NRG3: variants seen among roughly 807,000 people sequenced by gnomAD.
NRG3 encodes the protein neuregulin 3.
In NRG3, 31 loss-of-function variants were observed where a neutral mutation model predicts 66.9. The observed-to-expected ratio is 0.46, with a 90% confidence interval of 0.35 to 0.63. The LOEUF is 0.63. Ranked by LOEUF, NRG3 falls within the 20% of genes least tolerant of loss-of-function variation. The probability of loss-of-function intolerance (pLI) is 0.00; values close to 1 mark genes in which losing one functional copy is unlikely to be tolerated. For missense variants in NRG3, 910 were observed against 878.9 expected, an observed-to-expected ratio of 1.04 and a Z score of -0.45; for synonymous variants, 393 against 359.4, an observed-to-expected ratio of 1.09 and a Z score of -1.06.
rs573263704 is a variant in NRG3 at position 82,512,147 on chromosome 10, C to T, written c.953+153279C>T. Among the ~76,000 whole-genome samples, 22 of 151,752 alleles carry T rather than the reference C, an allele frequency of 1.4e-4. No homozygotes were observed. In the South Asian group the frequency reaches 4.4e-3, roughly 30 times the overall value. ...GCTGAAGTTTATTGTTCTTACTTTTCTACATTTTGAGCTTATTATAAAATC... is the reference window on the plus strand; with the variant it reads ...GCTGAAGTTTATTGTTCTTACTTTTTTACATTTTGAGCTTATTATAAAATC... On this transcript the variant is annotated intron_variant, in intron 2 of 8. Transcript: ENST00000372141.
At chr10:82,056,135 C>T (rs996654603) in intron 1 of NRG3, among the ~76,000 whole-genome samples, 1 of 152,040 alleles carries the variant, frequency 6.6e-6, no homozygotes, top group African/African-American at 2.4e-5. Flanking sequence ...GTGACTATAG[C>T]ATAATGGAGA....
At chr10:82,448,489 T>G (rs12415437) in intron 2 of NRG3, among the ~76,000 whole-genome samples, 7 of 152,222 alleles carry the variant, frequency 4.6e-5, no homozygotes, top group Admixed American at 4.6e-4. Context: ...GTCTCTGCTT[T>G]TCAAGGGCTC....
At chr10:82,822,461 A>G (rs2061993833) in intron 3 of NRG3, among the ~76,000 whole-genome samples, 1 of 152,104 alleles carries the variant, frequency 6.6e-6, no homozygotes, top group African/African-American at 2.4e-5. Flanking sequence ...TGCCAACACT[A>G]TACTCTGGCT....
chr10:82,392,797 T>C (rs1015437076), intron 2 of NRG3, among the ~76,000 whole-genome samples: 1 of 152,122 alleles, frequency 6.6e-6, no homozygotes, highest in Non-Finnish European at 1.5e-5. Context: ...AGAAAAGCTG[T>C]GCTGAATGGA....
chr10:82,362,333 ATGTGTGTGTGTGTGTG>A (rs56996997), intron 2 of NRG3, among the ~76,000 whole-genome samples: 13,382 of 135,904 alleles, frequency 0.098, 952 homozygotes, highest in East Asian at 0.25. Context: ...GTATATATAT[ATGTGTGTGTGTGTGTG>A]TGTGTGTGTG....
chr10:82,397,281 C>T (rs2086774511), intron 2 of NRG3, among the ~76,000 whole-genome samples: 1 of 152,140 alleles, frequency 6.6e-6, no homozygotes, highest in African/African-American at 2.4e-5. Context: ...TTTGCCAGAC[C>T]TCATGCCTGG....
intron 1 of NRG3, among the ~76,000 whole-genome samples, chr10:82,254,834 C>A (rs1188038181): frequency 1.3e-5 from 2 of 150,438 alleles, no homozygotes; most frequent in Admixed American, 6.6e-5. Context: ...GTTGATGAGA[C>A]CATGCAGATA....
intron 1 of NRG3, among the ~76,000 whole-genome samples, chr10:82,186,131 A>T (rs2073793701): frequency 6.6e-6 from 1 of 152,210 alleles, no homozygotes. Flanking sequence ...GCTTAAAAAC[A>T]AGATTTTTTT....
At chr10:82,898,332 A>G (rs540628273) in intron 4 of NRG3, among the ~76,000 whole-genome samples, 2 of 152,282 alleles carry the variant, frequency 1.3e-5, no homozygotes, top group East Asian at 1.9e-4. Context: ...GAGTCCAACT[A>G]AAACGTGGAG....
At chr10:82,369,589 G>T (rs72827372) in intron 2 of NRG3, among the ~76,000 whole-genome samples, 35,143 of 137,388 alleles carry the variant, frequency 0.26, 9,290 homozygotes, top group African/African-American at 0.51. Context: ...TGTAAACCAC[G>T]GTGCCTGGCT....
chr10:82,393,919 G>A (rs1040849005), intron 2 of NRG3, among the ~76,000 whole-genome samples: 2 of 152,152 alleles, frequency 1.3e-5, no homozygotes, highest in South Asian at 4.1e-4. Flanking sequence ...AGGGTATTTT[G>A]TGTGGTCAGA....
At chr10:82,314,402 C>T (rs369200925) in intron 1 of NRG3, among the ~76,000 whole-genome samples, 1 of 152,094 alleles carries the variant, frequency 6.6e-6, no homozygotes, top group South Asian at 2.1e-4. Context: ...TTTGCAGGGA[C>T]CCCGGAGATC....
chr10:82,101,942 C>T (rs548600671), intron 1 of NRG3, among the ~76,000 whole-genome samples: 12 of 149,052 alleles, frequency 8.1e-5, no homozygotes, highest in East Asian at 2.0e-4. Context: ...GGGACTTTTC[C>T]ATATCTCCTT....
At chr10:82,606,511 T>C (rs1052391353) in intron 2 of NRG3, among the ~76,000 whole-genome samples, 2 of 152,204 alleles carry the variant, frequency 1.3e-5, no homozygotes, top group Admixed American at 1.3e-4. Context: ...AAGCATTCTG[T>C]AGATGACAAT....
chr10:82,950,940 G>A (rs562977096), intron 4 of NRG3, among the ~76,000 whole-genome samples: 2 of 152,324 alleles, frequency 1.3e-5, no homozygotes, highest in South Asian at 4.1e-4. Context: ...GAGACTGGGT[G>A]AATAAAATAC....
chr10:81,979,639 G>A (rs1409356374), intron 1 of NRG3, among the ~76,000 whole-genome samples: 2 of 152,218 alleles, frequency 1.3e-5, no homozygotes, highest in Non-Finnish European at 2.9e-5. Context: ...CAAATGTTTT[G>A]ATAGCAGAGT....
intron 3 of NRG3, among the ~76,000 whole-genome samples, chr10:82,822,799 G>A (rs928728370): frequency 1.3e-5 from 2 of 152,066 alleles, no homozygotes; most frequent in African/African-American, 4.8e-5. Context: ...CTGGACCACA[G>A]AGAACCCAGA....
At chr10:82,346,909 A>T (rs1253455413) in intron 1 of NRG3, among the ~76,000 whole-genome samples, 3 of 151,676 alleles carry the variant, frequency 2.0e-5, no homozygotes, top group Non-Finnish European at 2.9e-5. Context: ...ATCGGTGGTG[A>T]TATCCCCTTT....
intron 1 of NRG3, among the ~76,000 whole-genome samples, chr10:82,060,555 A>G (rs910229241): frequency 6.6e-6 from 1 of 152,218 alleles, no homozygotes; most frequent in African/African-American, 2.4e-5. Context: ...GATTTCAAGA[A>G]TGTGCTTTAA....
Sources: gnomAD v4.1 joint callset for allele counts (sites outside exome capture counted in the v4.1 genomes callset) on GRCh38, gnomAD v4.1.1 for gene constraint, MANE v1.5 for transcripts, NCBI Gene and HGNC (gene_info 2026-07-23, HGNC 2026-07-21) for gene names.